TBC1D1: variants seen among roughly 807,000 people sequenced by gnomAD.
TBC1D1 encodes TBC1 (tre-2/USP6, BUB2, cdc16) domain family, member 1.
A neutral mutation model predicts 125.6 loss-of-function variants in TBC1D1; 89 were observed. That is an observed-to-expected ratio of 0.71 (90% CI 0.60 to 0.85). The LOEUF (loss-of-function observed/expected upper bound fraction) is 0.85, where lower values mean the gene tolerates loss of function less well. Among genes scored for constraint, TBC1D1 ranks in the 40% least tolerant of loss-of-function variants. The pLI is 0.00. For synonymous variants in TBC1D1, 565 were observed against 564.1 expected, an observed-to-expected ratio of 1.00 and a Z score of -0.02; for missense variants, 1,377 against 1,469.2, an observed-to-expected ratio of 0.94 and a Z score of 1.03.
chr4:38,116,441 G>T (rs932880882), intron 16 of TBC1D1, among the ~76,000 whole-genome samples: 2 of 152,184 alleles, frequency 1.3e-5, no homozygotes, highest in African/African-American at 4.8e-5. Flanking sequence ...TCCACCTTGG[G>T]CACACTGCGT....
At chr4:38,011,721 G>GGA (rs1456896229) in intron 2 of TBC1D1, among the ~76,000 whole-genome samples, 1 of 152,140 alleles carries the variant, frequency 6.6e-6, no homozygotes, top group Admixed American at 6.5e-5. Flanking sequence ...AGCAGAGCAA[G>GGA]GAGAGAGAGA....
chr4:38,053,336 TA>T, intron 11 of TBC1D1, 111 bp downstream of exon 13: 1 of 954,864 alleles, frequency 1.0e-6, no homozygotes, highest in Non-Finnish European at 1.4e-6. Context: ...TCATTTCAGC[TA>T]AATCTGTTGT....
intron 12 of TBC1D1, among the ~76,000 whole-genome samples, chr4:38,059,890 A>G (rs1472545523): frequency 5.3e-5 from 8 of 152,100 alleles, no homozygotes; most frequent in Non-Finnish European, 7.4e-5. Flanking sequence ...GCCGCCCCCC[A>G]ACAGGCTCCA....
chr4:38,137,216 CT>C lies in TBC1D1; in HGVS notation c.3390del (p.Thr1131ProfsTer2), dbSNP rs774470458. 5.1e-5 allele frequency: 82 copies of C among 1,612,814 alleles called. No individual in the cohort carries two copies. Among genetic ancestry groups the C allele is most frequent in the Non-Finnish European group, 6.8e-5 (80 of 1,180,032 alleles). The stretch of plus-strand genomic sequence containing the variant: ...TGAGAGCAAGCTGAAGCAGGCCATG[CT>C]TACCTTAGAACTGGAGCGGTCGGCC... On this transcript the variant is annotated frameshift_variant, in exon 20 of 20. Coordinates refer to ENST00000261439, the MANE Select transcript of TBC1D1 (RefSeq NM_015173.4). LOFTEE classifies it low-confidence loss of function (END_TRUNC).
chr4:38,027,805 A>G lies in TBC1D1; in HGVS notation c.1228A>G (p.Thr410Ala), dbSNP rs1745353409. Residue 410 changes from threonine (T) to alanine (A), a missense_variant, in exon 7 of 20, where the codon ACA (threonine) becomes GCA (alanine). Around this residue, in one of 3 missense-constraint regions of TBC1D1, gnomAD observed 822 missense variants for 824.6 expected, o/e 1.00. Coordinates refer to ENST00000261439, the MANE Select transcript of TBC1D1 (RefSeq NM_015173.4). Reference sequence around the variant, plus strand: ...CTTAATAGGAATGAATTCTTCCAAAACAAAACTAGAACTGCAAAAGCACCT... The same window carrying G: ...CTTAATAGGAATGAATTCTTCCAAAGCAAAACTAGAACTGCAAAAGCACCT... 1.2e-6 allele frequency: 2 copies of G among 1,610,292 alleles called. No homozygotes were observed. The highest frequency in any genetic ancestry group is 1.7e-6 in the Non-Finnish European group (2 of 1,179,104).
At chr4:38,047,408 C>A (rs936141270) in intron 10 of TBC1D1, among the ~76,000 whole-genome samples, 1 of 152,052 alleles carries the variant, frequency 6.6e-6, no homozygotes, top group East Asian at 1.9e-4. Flanking sequence ...GTCTGCAGAC[C>A]GCCTCTGGGG....
intron 14 of TBC1D1, among the ~76,000 whole-genome samples, chr4:38,097,760 G>A (rs530687051): frequency 6.6e-6 from 1 of 152,316 alleles, no homozygotes; most frequent in Non-Finnish European, 1.5e-5. Flanking sequence ...TTACAGATGT[G>A]AGCCACTGCA....
chr4:37,934,449 G>C (rs550518365), intron 2 of TBC1D1, among the ~76,000 whole-genome samples: 1 of 152,292 alleles, frequency 6.6e-6, no homozygotes, highest in East Asian at 1.9e-4. Flanking sequence ...AGCGAAGAGA[G>C]TAAGTCACAG....
intron 11 of TBC1D1, 132 bp downstream of exon 12, chr4:38,052,192 T>C (rs922102747): frequency 2.9e-5 from 18 of 626,098 alleles, no homozygotes; most frequent in Non-Finnish European, 4.2e-5. Flanking sequence ...TGTGTGTGTG[T>C]GTGCGCGCGC....
intron 13 of TBC1D1, among the ~76,000 whole-genome samples, chr4:38,095,483 T>C (rs1759167381): frequency 6.6e-6 from 1 of 152,170 alleles, no homozygotes; most frequent in Non-Finnish European, 1.5e-5. Context: ...TGGTAGAAGC[T>C]ACCAAATGGA....
chr4:38,045,719 T>A (rs1749317960), intron 9 of TBC1D1, 98 bp from the exon 10 acceptor site: 1 of 805,206 alleles, frequency 1.2e-6, no homozygotes, highest in Admixed American at 2.0e-5. Context: ...TAGATAACAT[T>A]TTTTTCCTGA....
chr4:38,129,618 G>T (rs979378244), intron 18 of TBC1D1, among the ~76,000 whole-genome samples: 10 of 152,162 alleles, frequency 6.6e-5, no homozygotes, highest in African/African-American at 2.4e-4. Flanking sequence ...AAGCTCTGTG[G>T]CGAGTTCTGC....
At position 37,903,471 on chromosome 4, in the gene TBC1D1, A is replaced by C. The variant is rs116187680; in HGVS notation, c.417+959A>C. The stretch of plus-strand genomic sequence containing the variant: ...AAGCAAGCCAAGTCACATGTGATTC[A>C]AGCTGTCTGCCACATGTACAGGGCG... On this transcript the variant is annotated intron_variant, in intron 2 of 19. Transcript: ENST00000261439. 4.6e-3 allele frequency among the ~76,000 whole-genome samples: 706 copies of C among 152,306 alleles called. 5 individuals are homozygous for C. Among genetic ancestry groups the C allele is most frequent in the African/African-American group, 0.016 (649 of 41,566 alleles).
chr4:38,077,246 T>C (rs1426812550), intron 12 of TBC1D1, among the ~76,000 whole-genome samples: 1 of 152,120 alleles, frequency 6.6e-6, no homozygotes, highest in Non-Finnish European at 1.5e-5. Context: ...AGGTATTGGG[T>C]TGAAAGTGGA....
chr4:37,954,849 A>G (rs1214414496), intron 2 of TBC1D1, among the ~76,000 whole-genome samples: 1 of 141,594 alleles, frequency 7.1e-6, no homozygotes, highest in African/African-American at 2.6e-5. Context: ...TATGTATCAT[A>G]TGACTCTTAG....
In TBC1D1 at chr4:38,014,573, G is replaced by GC; in HGVS notation, c.485dup (p.Ser163ValfsTer85). Reference sequence around the variant, plus strand: ...ATCGCCCGGCAGGAGGAGCTGCACTGCCCGTCCGAGTTCGACGACACGTTT... The same window carrying GC: ...ATCGCCCGGCAGGAGGAGCTGCACTGCCCCGTCCGAGTTCGACGACACGTTT... On this transcript the variant is annotated frameshift_variant, in exon 3 of 20. Transcript: ENST00000261439. LOFTEE classifies it high-confidence loss of function. The surrounding 1 kb of genome is among the most constrained non-coding windows in gnomAD (Gnocchi z 5.1). 6.2e-7 allele frequency: 1 copy of GC among 1,613,372 alleles called. No individual in the cohort carries two copies. The highest frequency in any genetic ancestry group is 8.5e-7 in the Non-Finnish European group (1 of 1,180,038).
intron 15 of TBC1D1, chr4:38,111,912 C>T (rs1022372253): frequency 1.0e-6 from 1 of 985,294 alleles, no homozygotes; most frequent in Non-Finnish European, 1.2e-6. Flanking sequence ...ACAGCTGTTC[C>T]CCAGCCTGGT....
At chr4:37,894,213 T>C (rs1328616689) in intron 1 of TBC1D1, among the ~76,000 whole-genome samples, 1 of 152,090 alleles carries the variant, frequency 6.6e-6, no homozygotes, top group Non-Finnish European at 1.5e-5. Context: ...GGTCTTGAAC[T>C]CCCGACCTTG....
intron 12 of TBC1D1, among the ~76,000 whole-genome samples, chr4:38,069,668 GCCTCAGGGGCAC>G (rs1754364300): frequency 6.6e-6 from 1 of 152,046 alleles, no homozygotes. Context: ...TGACCTGTTA[GCCTCAGGGGCAC>G]CCACGTAGCT....
Sources: gnomAD v4.1 joint callset for allele counts (sites outside exome capture counted in the v4.1 genomes callset) on GRCh38, gnomAD v4.1.1 for gene constraint, gnomAD v4.1.1 regional missense constraint, Gnocchi (gnomAD v3.1) non-coding constraint, MANE v1.5 for transcripts, NCBI Gene and HGNC (gene_info 2026-07-23, HGNC 2026-07-21) for gene names.